The following CYP2C19 variants were observed in gnomAD, a reference collection of about 807,000 sequenced individuals.
The protein encoded by CYP2C19 is cytochrome P450 2C19.
CYP2C19 carries 59 observed loss-of-function variants against 40.9 expected under a neutral mutation model. The ratio of observed to expected loss-of-function variants is 1.44; its 90% confidence interval spans 1.17 to 1.79. The LOEUF (loss-of-function observed/expected upper bound fraction) is 1.79. Among genes scored for constraint, CYP2C19 ranks in the 40% most tolerant of loss-of-function variants. CYP2C19 has a pLI of 0.00. For missense variants in CYP2C19, 754 were observed against 596.9 expected (o/e 1.26, Z -2.74); for synonymous variants, 253 against 208.7 (o/e 1.21, Z -1.83).
intron 5 of CYP2C19, among the ~76,000 whole-genome samples, chr10:94,812,732 C>G (rs1301523527): frequency 6.6e-6 from 1 of 151,456 alleles, no homozygotes. Context: ...CATCAGGTCA[C>G]TCATGTTCTT....
At chr10:94,816,030 T>C (rs139335481) in intron 5 of CYP2C19, among the ~76,000 whole-genome samples, 13 of 152,230 alleles carry the variant, frequency 8.5e-5, no homozygotes, top group African/African-American at 3.1e-4. Flanking sequence ...TGTCTTCTCA[T>C]TTGTGTTTTG....
chr10:94,782,934 G>A (rs1415807491), intron 5 of CYP2C19, among the ~76,000 whole-genome samples: 2 of 152,034 alleles, frequency 1.3e-5, no homozygotes, highest in African/African-American at 2.4e-5. Context: ...ACAGGATGAG[G>A]AACATCACAC....
At position 94,762,730 on chromosome 10, in the gene CYP2C19, C is replaced by G. The variant is rs750431855; in HGVS notation, c.25C>G (p.Leu9Val). Residue 9 changes from leucine to valine, a missense_variant, in exon 1 of 9, where the codon CTC (leucine) becomes GTC (valine). Transcript: ENST00000371321. MDPFVVLV[L>V]CLSCLLLLSI... ...AATGGATCCTTTTGTGGTCCTTGTGCTCTGTCTCTCATGTTTGCTTCTCCT... is the reference window on the plus strand; with the variant it reads ...AATGGATCCTTTTGTGGTCCTTGTGGTCTGTCTCTCATGTTTGCTTCTCCT... 1.3e-5 allele frequency: 21 copies of G among 1,613,694 alleles called. No homozygotes were observed. The highest frequency in any genetic ancestry group is 1.5e-5 in the Non-Finnish European group (18 of 1,179,840).
chr10:94,820,131 GA>G (rs1320259141), intron 5 of CYP2C19, among the ~76,000 whole-genome samples: 1 of 151,688 alleles, frequency 6.6e-6, no homozygotes, highest in Non-Finnish European at 1.5e-5. Flanking sequence ...CAGAGCCAAA[GA>G]CAAAAACCAC....
At chr10:94,832,887 C>A (rs963338987) in intron 6 of CYP2C19, among the ~76,000 whole-genome samples, 4 of 152,040 alleles carry the variant, frequency 2.6e-5, no homozygotes, top group Non-Finnish European at 2.9e-5. Flanking sequence ...TTTTTCCAAT[C>A]CATGAACATG....
intron 6 of CYP2C19, among the ~76,000 whole-genome samples, chr10:94,839,422 C>T (rs1224325990): frequency 1.3e-5 from 2 of 152,164 alleles, no homozygotes; most frequent in African/African-American, 2.4e-5. Context: ...GAAAGGGGTC[C>T]GGGCTGCTGG....
intron 5 of CYP2C19, among the ~76,000 whole-genome samples, chr10:94,818,495 C>T (rs1589366227): frequency 6.7e-6 from 1 of 149,228 alleles, no homozygotes; most frequent in Non-Finnish European, 1.5e-5. Flanking sequence ...TGGCCATTTT[C>T]ACAATATTGA....
intron 5 of CYP2C19, among the ~76,000 whole-genome samples, chr10:94,798,771 G>T (rs1187089660): frequency 5.5e-5 from 8 of 145,018 alleles, no homozygotes; most frequent in Admixed American, 4.9e-4. Flanking sequence ...GTTCTTTGTT[G>T]GTTTAAAGTC....
intron 1 of CYP2C19, among the ~76,000 whole-genome samples, chr10:94,770,652 T>C (rs984583069): frequency 3.3e-5 from 5 of 152,154 alleles, no homozygotes; most frequent in Admixed American, 6.5e-5. Flanking sequence ...GACCTTCTAG[T>C]CAGTTGGGTG....
chr10:94,826,708 G>C (rs1436469255), intron 6 of CYP2C19, among the ~76,000 whole-genome samples: 1 of 152,178 alleles, frequency 6.6e-6, no homozygotes, highest in South Asian at 2.1e-4. Flanking sequence ...GAATAGGAGT[G>C]GCAAGAGAAG....
At chr10:94,851,727 G>C (rs1206348558) in intron 8 of CYP2C19, among the ~76,000 whole-genome samples, 1 of 152,040 alleles carries the variant, frequency 6.6e-6, no homozygotes, top group Non-Finnish European at 1.5e-5. Flanking sequence ...AGCAAAAGGG[G>C]AGAAATGGCT....
chr10:94,798,443 G>C (rs1428842015), intron 5 of CYP2C19, among the ~76,000 whole-genome samples: 2 of 152,130 alleles, frequency 1.3e-5, no homozygotes. Flanking sequence ...AGCACGATGT[G>C]GTGCTGAGAA....
intron 5 of CYP2C19, among the ~76,000 whole-genome samples, chr10:94,787,688 T>C (rs554541744): frequency 6.6e-6 from 1 of 152,210 alleles, no homozygotes; most frequent in South Asian, 2.1e-4. Flanking sequence ...TGCAAGGAAG[T>C]GTTCCAGTTT....
intron 7 of CYP2C19, among the ~76,000 whole-genome samples, chr10:94,849,161 G>A (rs892619899): frequency 5.3e-5 from 8 of 151,684 alleles, no homozygotes; most frequent in Non-Finnish European, 4.4e-5. Flanking sequence ...GTGCCTTTAA[G>A]TCATAGTCTA....
In CYP2C19 at chr10:94,783,495, C is replaced by T. The variant is rs544503798; in HGVS notation, c.819+1498C>T. 1.6e-4 allele frequency among the ~76,000 whole-genome samples: 24 copies of T among 152,114 alleles called. 1 individual carries two copies. The South Asian group carries it at 4.6e-3, about 29-fold the overall frequency. On this transcript the variant is annotated intron_variant, in intron 5 of 8. Transcript: ENST00000371321. Reference sequence around the variant, plus strand: ...TTGGAATTTGGTATCTATCAGATACCGTGTAAACATCACCTCTTTTGTCAT... The same window carrying T: ...TTGGAATTTGGTATCTATCAGATACTGTGTAAACATCACCTCTTTTGTCAT...
intron 6 of CYP2C19, among the ~76,000 whole-genome samples, chr10:94,836,639 A>T (rs1486525452): frequency 1.3e-5 from 2 of 152,208 alleles, no homozygotes; most frequent in African/African-American, 4.8e-5. Flanking sequence ...TAGTTGCTTT[A>T]TGGTTTTGGG....
At position 94,820,581 on chromosome 10, in the gene CYP2C19, C is replaced by A; in HGVS notation, c.905C>A (p.Thr302Lys). ...ADLLGAGTET[T>K]STTLRYALLL... Reference sequence around the variant, plus strand: ...TTACTTGGAGCTGGGACAGAGACAACAAGCACAACCCTGAGATATGCTCTC... The same window carrying A: ...TTACTTGGAGCTGGGACAGAGACAAAAAGCACAACCCTGAGATATGCTCTC... The change falls in exon 6 of 9, where the codon ACA becomes AAA. Residue 302 changes from threonine to lysine, a missense_variant. Physicochemically the swap from Thr to Lys is moderately conservative, Grantham distance 78. Coordinates refer to ENST00000371321, the MANE Select transcript of CYP2C19 (RefSeq NM_000769.4). The A allele has an allele frequency of 6.2e-7, 1 of 1,614,174 alleles. No individual in the cohort carries two copies. The highest frequency in any genetic ancestry group is 8.5e-7 in the Non-Finnish European group (1 of 1,180,032).
chr10:94,800,142 A>G (rs1162443307), intron 5 of CYP2C19, among the ~76,000 whole-genome samples: 1 of 152,094 alleles, frequency 6.6e-6, no homozygotes, highest in Non-Finnish European at 1.5e-5. Flanking sequence ...TTGTGGTTTT[A>G]TCTACCTTTC....
intron 1 of CYP2C19, among the ~76,000 whole-genome samples, chr10:94,768,217 G>A (rs375288725): frequency 4.4e-4 from 67 of 152,220 alleles, no homozygotes; most frequent in African/African-American, 1.5e-3. Flanking sequence ...TCTAAGGCTC[G>A]GGTAAGTGCC....
Sources: allele counts gnomAD v4.1 joint callset (sites outside exome capture counted in the v4.1 genomes callset), GRCh38; gene constraint gnomAD v4.1.1; transcripts MANE v1.5; gene names NCBI Gene and HGNC (gene_info 2026-07-23, HGNC 2026-07-21).